Variants in SAP18 observed in about 807,000 individuals in gnomAD.
SAP18 encodes Sin3A associated protein 18, also known as histone deacetylase complex subunit SAP18.
SAP18 carries 4 observed loss-of-function variants against 18.6 expected under a neutral mutation model. The observed-to-expected ratio is 0.21, with a 90% CI of 0.11 to 0.49. The LOEUF is 0.49. Among genes scored for constraint, SAP18 ranks in the 20% least tolerant of loss-of-function variants. The probability of loss-of-function intolerance (pLI) is 0.98; values close to 1 mark genes in which losing one functional copy is unlikely to be tolerated. For missense variants in SAP18, 170 were observed against 226.4 expected (o/e 0.75, Z 1.60); for synonymous variants, 112 against 82.8 (o/e 1.35, Z -1.92).
chr13:21,146,014 T>C (rs751153263), intron 2 of SAP18, among the ~76,000 whole-genome samples: 3 of 152,360 alleles, frequency 2.0e-5, no homozygotes, highest in Middle Eastern at 6.8e-3. Flanking sequence ...AGTACTCTTA[T>C]CTGTTGTAAA....
chr13:21,140,572 G>C (rs775933057), exon 1 of SAP18: 1 of 1,603,068 alleles, frequency 6.2e-7, no homozygotes, highest in Non-Finnish European at 8.5e-7. Flanking sequence ...GCAGGGGTCG[G>C]AGGTCAGGGC....
At chr13:21,144,058 C>T (rs1474025502) in intron 2 of SAP18, among the ~76,000 whole-genome samples, 1 of 152,138 alleles carries the variant, frequency 6.6e-6, no homozygotes, top group Non-Finnish European at 1.5e-5. Flanking sequence ...AGGCTGTGTT[C>T]ACCAAAGTCA....
At chr13:21,140,489 G>GC (rs1869406584), upstream of SAP18, 4 of 1,500,390 alleles carry the variant, frequency 2.7e-6, no homozygotes, top group East Asian at 9.9e-5. Flanking sequence ...GCCAGGAGAC[G>GC]CCCCGCCCAG....
At chr13:21,141,018 A>G (rs377680306) in intron 2 of SAP18, 23 bp downstream of exon 2, 2 of 1,502,676 alleles carry the variant, frequency 1.3e-6, no homozygotes, top group East Asian at 2.3e-5. Context: ...GGGTGGCCTC[A>G]GGGACCCGGG....
chr13:21,148,813 CTAAA>C (rs1383094491), exon 4 of SAP18: 1 of 152,120 alleles, frequency 6.6e-6, no homozygotes, highest in Non-Finnish European at 1.5e-5. Context: ...AGGGTAGGAA[CTAAA>C]TAAAGGACTT....
At chr13:21,148,111 C>T (rs897884344) in exon 4 of SAP18, 4 of 152,194 alleles carry the variant, frequency 2.6e-5, no homozygotes, top group African/African-American at 9.7e-5. Context: ...CACACATCCT[C>T]TTGTGTGCTA....
exon 1 of SAP18, chr13:21,140,549 G>A (rs781351427): frequency 6.3e-7 from 1 of 1,584,132 alleles, no homozygotes; most frequent in African/African-American, 1.3e-5. Flanking sequence ...GAGACTTAGT[G>A]CTCATGCTCG....
At chr13:21,147,531 C>A in exon 4 of SAP18, 1 of 584,138 alleles carries the variant, frequency 1.7e-6, no homozygotes. Context: ...TCAAGCCCTT[C>A]TGTAAAATAT....
intron 2 of SAP18, among the ~76,000 whole-genome samples, chr13:21,143,429 A>G (rs1262488036): frequency 6.6e-6 from 1 of 152,188 alleles, no homozygotes; most frequent in East Asian, 1.9e-4. Context: ...AAATTTATGT[A>G]GTAGTATGAT....
intron 2 of SAP18, among the ~76,000 whole-genome samples, chr13:21,144,405 C>CAA (rs36115551): frequency 3.6e-4 from 23 of 64,634 alleles, no homozygotes; most frequent in East Asian, 5.0e-4. Flanking sequence ...GACTCCATCT[C>CAA]AAAAAAAAAA....
chr13:21,140,774 GT>G, intron 1 of SAP18, 93 bp downstream of exon 1: 2 of 1,592,692 alleles, frequency 1.3e-6, no homozygotes, highest in Non-Finnish European at 1.7e-6. Flanking sequence ...AGGAGATGGT[GT>G]TTTTGGTCTC....
chr13:21,146,122 G>A (rs1869642233), intron 2 of SAP18, among the ~76,000 whole-genome samples: 1 of 152,138 alleles, frequency 6.6e-6, no homozygotes, highest in Non-Finnish European at 1.5e-5. Flanking sequence ...CAAGATAGGT[G>A]GATCACTTGA....
chr13:21,142,025 G>T (rs1356052785), intron 2 of SAP18, among the ~76,000 whole-genome samples: 3 of 149,780 alleles, frequency 2.0e-5, no homozygotes, highest in African/African-American at 7.3e-5. Context: ...GGTGGCTTAT[G>T]CCTGTAATCC....
chr13:21,140,540 A>C lies in SAP18; in HGVS notation c.-13A>C, dbSNP rs754273316. 1.3e-5 allele frequency: 21 copies of C among 1,575,126 alleles called. No homozygotes were observed. The South Asian group carries it at 2.2e-4, about 17-fold the overall frequency. Reference sequence around the variant, plus strand: ...AAAGTGTCGAGCTTCTCCTCGCGAGAGACTTAGTGCTCATGCTCGCTGCAG... The same window carrying C: ...AAAGTGTCGAGCTTCTCCTCGCGAGCGACTTAGTGCTCATGCTCGCTGCAG... On this transcript the variant is annotated 5_prime_UTR_variant, in exon 1 of 4. Transcript: ENST00000621421.
chr13:21,144,124 C>G (rs71427919), intron 2 of SAP18, among the ~76,000 whole-genome samples: 2 of 151,996 alleles, frequency 1.3e-5, no homozygotes, highest in Non-Finnish European at 2.9e-5. Flanking sequence ...AGATTTATTT[C>G]TGCTGGGCGT....
At chr13:21,147,908 T>G (rs1185658356) in exon 4 of SAP18, 2 of 152,282 alleles carry the variant, frequency 1.3e-5, no homozygotes, top group Non-Finnish European at 2.9e-5. Flanking sequence ...AATGAGCACT[T>G]AAGTTTTTAA....
chr13:21,148,355 AGTG>A (rs1738607043), exon 4 of SAP18: 1 of 152,196 alleles, frequency 6.6e-6, no homozygotes, highest in East Asian at 1.9e-4. Flanking sequence ...TTGGCCATAA[AGTG>A]GTATTAAAAC....
intron 2 of SAP18, among the ~76,000 whole-genome samples, chr13:21,142,036 C>G (rs970082069): frequency 6.6e-6 from 1 of 150,518 alleles, no homozygotes; most frequent in Non-Finnish European, 1.5e-5. Flanking sequence ...CCTGTAATCC[C>G]AGCACTTTGG....
rs1447677962 is a variant in SAP18, at chr13:21,140,877, C to G, written c.130-9C>G. ...TAACTTCTGCCCTTCCGTTTTCTCTCTCCCTCAGACATGCCCACTGTTGCT... is the reference window on the plus strand; with the variant it reads ...TAACTTCTGCCCTTCCGTTTTCTCTGTCCCTCAGACATGCCCACTGTTGCT... On this transcript the variant is annotated splice_polypyrimidine_tract_variant and intron_variant, in intron 1 of 3. Coordinates refer to ENST00000621421, the Ensembl canonical transcript of SAP18. 1 of 1,610,872 alleles carries G rather than the reference C, an allele frequency of 6.2e-7. No homozygotes were observed. Among genetic ancestry groups the G allele is most frequent in the South Asian group, 1.1e-5 (1 of 91,000 alleles).
Sources: gnomAD v4.1 joint callset for allele counts (sites outside exome capture counted in the v4.1 genomes callset) on GRCh38, gnomAD v4.1.1 for gene constraint, MANE v1.5 for transcripts, NCBI Gene and HGNC (gene_info 2026-07-23, HGNC 2026-07-21) for gene names.